HACD1: variants seen among roughly 807,000 people sequenced by gnomAD.
The protein encoded by HACD1 is very-long-chain (3R)-3-hydroxyacyl-CoA dehydratase 1.
Under a neutral mutation model 32.0 loss-of-function variants are expected in HACD1, and 41 were observed. The observed-to-expected ratio is 1.28, with a 90% CI of 1.00 to 1.66. The LOEUF is 1.66. Ranked by LOEUF, HACD1 falls within the 40% of genes most tolerant of loss-of-function variation. The pLI, the probability that HACD1 is intolerant of heterozygous loss-of-function variation, is 0.00. For synonymous variants in HACD1, 142 were observed against 139.0 expected, an observed-to-expected ratio of 1.02 and a Z score of -0.15; for missense variants, 396 against 380.1, an observed-to-expected ratio of 1.04 and a Z score of -0.35.
chr10:17,608,778 C>T (rs556080132), intron 1 of HACD1, among the ~76,000 whole-genome samples: 6 of 152,146 alleles, frequency 3.9e-5, no homozygotes, highest in Admixed American at 2.6e-4. Flanking sequence ...TGAGCCGCCA[C>T]GTCTGGCCCA....
chr10:17,589,250 C>G lies in HACD1; in HGVS notation c.*1114G>C, dbSNP rs1554815375. ...ACCAAAGTTCTGAGTACAGCATGAT[C>G]ATCTTCCTCATCATCGTTATCATCA... On this transcript the variant is annotated 3_prime_UTR_variant, in exon 7 of 7. Coordinates refer to ENST00000361271, the MANE Select transcript of HACD1 (RefSeq NM_014241.4). 6.6e-6 allele frequency: 1 copy of G among 152,274 alleles called. No homozygotes were observed. Among genetic ancestry groups the G allele is most frequent in the African/African-American group, 2.4e-5 (1 of 41,430 alleles). 9.4% of individuals were successfully genotyped at this position (152,274 alleles called of 1,614,324 possible).
intron 5 of HACD1, among the ~76,000 whole-genome samples, chr10:17,596,178 T>G (rs1315464864): frequency 6.6e-6 from 1 of 152,158 alleles, no homozygotes; most frequent in African/African-American, 2.4e-5. Context: ...AAAATTGCAT[T>G]ATTCCTGTAT....
chr10:17,611,790 C>T (rs1485053146), intron 1 of HACD1, among the ~76,000 whole-genome samples: 2 of 152,000 alleles, frequency 1.3e-5, no homozygotes, highest in Non-Finnish European at 2.9e-5. Flanking sequence ...CACGGTGAAA[C>T]CCCGTCTCTA....
chr10:17,599,608 G>C (rs1472110803), intron 4 of HACD1, among the ~76,000 whole-genome samples, 197 bp from the exon 5 acceptor site: 3 of 152,176 alleles, frequency 2.0e-5, no homozygotes. Flanking sequence ...TTATGCACAG[G>C]AATAGTTGAG....
intron 4 of HACD1, among the ~76,000 whole-genome samples, chr10:17,602,391 C>T (rs1834083235): frequency 1.3e-5 from 2 of 151,998 alleles, no homozygotes; most frequent in South Asian, 2.1e-4. Flanking sequence ...TTTAAAATGC[C>T]CAATATCTTG....
At chr10:17,606,301 A>G (rs1834147773) in intron 1 of HACD1, among the ~76,000 whole-genome samples, 1 of 152,276 alleles carries the variant, frequency 6.6e-6, no homozygotes, top group South Asian at 2.1e-4. Context: ...TATAAGCTAG[A>G]GTTGTGGAGA....
rs1336719301 is a variant in HACD1, at chr10:17,594,512, A to T, written c.606-129T>A. ...TTCTTTACATATTTACAATAACCTTACGTAAGGTTAATAGTTCTACTTTAA... is the reference window on the plus strand; with the variant it reads ...TTCTTTACATATTTACAATAACCTTTCGTAAGGTTAATAGTTCTACTTTAA... On this transcript the variant is annotated intron_variant, in intron 5 of 6. Transcript: ENST00000361271. The T allele has an allele frequency of 1.3e-5, 9 of 695,900 alleles. No homozygotes were observed. The African/African-American group carries it at 1.6e-4, about 13-fold the overall frequency. The allele number at this position is 695,900 out of a possible 1,614,324, so 43.1% of individuals were successfully genotyped here. A position where few individuals can be genotyped will look rare whatever the true frequency, so the allele number is the denominator to read the frequency against.
At chr10:17,590,636 AT>A (rs1438873176) in intron 6 of HACD1, among the ~76,000 whole-genome samples, 190 bp from the exon 7 acceptor site, 1 of 152,088 alleles carries the variant, frequency 6.6e-6, no homozygotes, top group Non-Finnish European at 1.5e-5. Context: ...AAATATTCTA[AT>A]GCTGTAACTG....
intron 4 of HACD1, among the ~76,000 whole-genome samples, chr10:17,599,844 C>G (rs1834044543): frequency 6.6e-6 from 1 of 152,204 alleles, no homozygotes; most frequent in Non-Finnish European, 1.5e-5. Flanking sequence ...ACTACTGTAA[C>G]TGTTTCCTAA....
At position 17,617,295 on chromosome 10, in the gene HACD1, C is replaced by T; in HGVS notation, c.45G>A (p.Arg15=). 2 of 1,454,862 alleles carry T rather than the reference C, an allele frequency of 1.4e-6. No individual in the cohort carries two copies. The highest frequency in any genetic ancestry group is 3.0e-5 in the African/African-American group (2 of 67,782). 90.1% of individuals were successfully genotyped at this position (1,454,862 alleles called of 1,614,324 possible). The change falls in exon 1 of 7, where the codon CGG becomes CGA. Residue 15 remains arginine (R), a synonymous_variant. Coordinates refer to ENST00000361271, the MANE Select transcript of HACD1 (RefSeq NM_014241.4). ...TEAAAAGSGS[R]AAGWAGSPPT... is the part of the protein sequence containing the mutation. ...GAGGGGACCCTGCCCAGCCTGCAGC[C>T]CGAGAGCCGCTGCCCGCTGCCGCCG...
At chr10:17,609,939 C>T (rs1025765418) in intron 1 of HACD1, among the ~76,000 whole-genome samples, 9 of 148,504 alleles carry the variant, frequency 6.1e-5, no homozygotes, top group Non-Finnish European at 1.3e-4. Context: ...GCCGAGGATG[C>T]ACCACTGCAC....
chr10:17,613,144 G>GTGTGTTT lies in HACD1; in HGVS notation c.257+3938_257+3939insAAACACA, dbSNP rs368670331. 4.1e-3 allele frequency among the ~76,000 whole-genome samples: 528 copies of GTGTGTTT among 128,686 alleles called. 1 individual carries two copies. The highest frequency in any genetic ancestry group is 5.2e-3 in the Non-Finnish European group (314 of 60,134). The allele number at this position is 128,686 out of a possible 152,430, so 84.4% of individuals were successfully genotyped here. On this transcript the variant is annotated intron_variant, in intron 1 of 6. Transcript: ENST00000361271. ...TGTGTGTGTGTGTGTGTGTGTGTGT[G>GTGTGTTT]TGTTTTGTTTTTGAGATGGGGTCTC...
At chr10:17,593,454 T>TACAGGCATGCGCCA (rs1470933463) in intron 6 of HACD1, among the ~76,000 whole-genome samples, 3 of 152,176 alleles carry the variant, frequency 2.0e-5, no homozygotes, top group African/African-American at 7.2e-5. Context: ...TAGCTGAGAT[T>TACAGGCATGCGCCA]ACAGGCATGC....
rs11354623 is a variant in HACD1 at position 17,604,480 on chromosome 10, CAA to C, written c.258-435_258-434del. Among the ~76,000 whole-genome samples the C allele has an allele frequency of 3.9e-3, 319 of 82,274 alleles. 2 individuals are homozygous for C. Among genetic ancestry groups the C allele is most frequent in the East Asian group, 0.025 (69 of 2,792 alleles). 54.0% of individuals were successfully genotyped at this position (82,274 alleles called of 152,430 possible). A position where few individuals can be genotyped will look rare whatever the true frequency, so the allele number is the denominator to read the frequency against. On this transcript the variant is annotated intron_variant, in intron 1 of 6. Coordinates refer to ENST00000361271, the MANE Select transcript of HACD1 (RefSeq NM_014241.4). The stretch of plus-strand genomic sequence containing the variant: ...GCCTGGGCGACAGAGCTGTCCGTCT[CAA>C]AAAAAAAAAAAAAAAAAAGAAATGT...
intron 5 of HACD1, among the ~76,000 whole-genome samples, chr10:17,597,128 G>A (rs1171061731): frequency 6.6e-6 from 1 of 152,122 alleles, no homozygotes; most frequent in Non-Finnish European, 1.5e-5. Context: ...TGTATAACTT[G>A]TTTAACATTA....
At chr10:17,596,750 A>C (rs944099196) in intron 5 of HACD1, among the ~76,000 whole-genome samples, 5 of 152,122 alleles carry the variant, frequency 3.3e-5, no homozygotes, top group African/African-American at 4.8e-5. Context: ...ACTATCTAAA[A>C]TTTTTTTGAA....
At chr10:17,593,866 T>C (rs1185813542) in intron 6 of HACD1, among the ~76,000 whole-genome samples, 2 of 152,232 alleles carry the variant, frequency 1.3e-5, no homozygotes, top group Non-Finnish European at 2.9e-5. Flanking sequence ...TACTCAGACA[T>C]ATAATTCTAA....
chr10:17,615,070 C>A (rs1554817875), intron 1 of HACD1, among the ~76,000 whole-genome samples: 3 of 152,204 alleles, frequency 2.0e-5, no homozygotes. Flanking sequence ...GTTTATTAAC[C>A]AGACTATCAC....
At chr10:17,614,869 C>T (rs1446112251) in intron 1 of HACD1, among the ~76,000 whole-genome samples, 4 of 152,106 alleles carry the variant, frequency 2.6e-5, no homozygotes, top group African/African-American at 9.7e-5. Flanking sequence ...TCTCCTGCCT[C>T]AGCCTCCGGA....
Sources: gnomAD v4.1 joint callset for allele counts (sites outside exome capture counted in the v4.1 genomes callset) on GRCh38, gnomAD v4.1.1 for gene constraint, MANE v1.5 for transcripts, NCBI Gene and HGNC (gene_info 2026-07-23, HGNC 2026-07-21) for gene names.